ZNF423: variants seen among roughly 807,000 people sequenced by gnomAD.
ZNF423 encodes the protein zinc finger protein 423.
Under a neutral mutation model 95.8 loss-of-function variants are expected in ZNF423, and 12 were observed. The observed-to-expected ratio is 0.13, with a 90% CI of 0.08 to 0.20. The LOEUF (loss-of-function observed/expected upper bound fraction) is 0.20. Ranked by LOEUF, ZNF423 falls within the 10% of genes least tolerant of loss-of-function variation. ZNF423 has a pLI of 1.00. For synonymous variants in ZNF423, 749 were observed against 711.9 expected (o/e 1.05, Z -0.83); for missense variants, 1,316 against 1,737.1 (o/e 0.76, Z 4.31).
At chr16:49,772,410 T>C (rs2034051614) in intron 2 of ZNF423, among the ~76,000 whole-genome samples, 1 of 152,230 alleles carries the variant, frequency 6.6e-6, no homozygotes, top group African/African-American at 2.4e-5. Flanking sequence ...TCTGAAATCA[T>C]GTTTCACCAG....
At chr16:49,790,701 C>T (rs1409663511) in intron 1 of ZNF423, among the ~76,000 whole-genome samples, 2 of 152,236 alleles carry the variant, frequency 1.3e-5, no homozygotes, top group East Asian at 1.9e-4. Flanking sequence ...CAAGGCACAG[C>T]CCACCTTCAA....
Position 49,731,637 on chromosome 16 carries a change from A to C in ZNF423, c.101-666T>G, listed in dbSNP as rs556122730. On this transcript the variant is annotated intron_variant, in intron 2 of 7. Coordinates refer to ENST00000563137, the MANE Select transcript of ZNF423 (RefSeq NM_001379286.1). ...AGACCGGCCTGGGCAATATAGCAAGACTCTATCTCTACAAAAAAAAAAAAA... is the reference window on the plus strand; with the variant it reads ...AGACCGGCCTGGGCAATATAGCAAGCCTCTATCTCTACAAAAAAAAAAAAA... Among the ~76,000 whole-genome samples, 7 of 150,228 alleles carry C rather than the reference A, an allele frequency of 4.7e-5. No homozygotes were observed. The South Asian group carries it at 1.3e-3, about 27-fold the overall frequency.
intron 7 of ZNF423, among the ~76,000 whole-genome samples, chr16:49,497,919 C>T (rs145852409): frequency 6.6e-6 from 1 of 152,328 alleles, no homozygotes; most frequent in African/African-American, 2.4e-5. Context: ...GAGGCACAAT[C>T]CTGGCCTTTT....
At chr16:49,520,953 G>T (rs1319538608) in intron 7 of ZNF423, among the ~76,000 whole-genome samples, 1 of 152,230 alleles carries the variant, frequency 6.6e-6, no homozygotes, top group Non-Finnish European at 1.5e-5. Flanking sequence ...ACTCGTTAAG[G>T]CTGTAATTTA....
intron 3 of ZNF423, among the ~76,000 whole-genome samples, chr16:49,645,830 G>A (rs188740020): frequency 1.3e-5 from 2 of 152,302 alleles, no homozygotes; most frequent in East Asian, 3.9e-4. Context: ...TCTGATGGTT[G>A]TATTAAGGGG....
intron 2 of ZNF423, among the ~76,000 whole-genome samples, chr16:49,750,336 G>A (rs564210645): frequency 1.8e-4 from 28 of 152,168 alleles, no homozygotes; most frequent in Non-Finnish European, 2.9e-4. Flanking sequence ...ACCCTCCAGG[G>A]GCCAAGTCAG....
chr16:49,671,159 T>C (rs1379939379), intron 3 of ZNF423, among the ~76,000 whole-genome samples: 1 of 152,218 alleles, frequency 6.6e-6, no homozygotes, highest in Non-Finnish European at 1.5e-5. Context: ...CCTCATTAGC[T>C]GTGCCTGGTC....
intron 1 of ZNF423, among the ~76,000 whole-genome samples, chr16:49,827,380 C>A (rs917186050): frequency 3.3e-5 from 5 of 152,072 alleles, no homozygotes; most frequent in Non-Finnish European, 5.9e-5. Flanking sequence ...TTACCAACAA[C>A]AACAAGCAGA....
At chr16:49,753,233 G>C (rs1484098540) in intron 2 of ZNF423, among the ~76,000 whole-genome samples, 1 of 152,124 alleles carries the variant, frequency 6.6e-6, no homozygotes, top group Non-Finnish European at 1.5e-5. Context: ...AACAGAGCAA[G>C]ACTCTGTCTC....
chr16:49,789,335 T>C (rs1194766667), intron 2 of ZNF423, 152 bp downstream of exon 2: 1 of 630,716 alleles, frequency 1.6e-6, no homozygotes, highest in Non-Finnish European at 2.7e-6. Context: ...ATGGAACTGA[T>C]ATAAAAATCG....
At chr16:49,697,584 C>T (rs2032020571) in intron 3 of ZNF423, among the ~76,000 whole-genome samples, 1 of 152,060 alleles carries the variant, frequency 6.6e-6, no homozygotes, top group Non-Finnish European at 1.5e-5. Flanking sequence ...TTTCAAAAGA[C>T]TCTAGGGAAA....
At position 49,638,013 on chromosome 16, in the gene ZNF423, C is replaced by T. The variant is rs756448653; in HGVS notation, c.1163G>A (p.Arg388His). 20 of 1,614,104 alleles carry T rather than the reference C, an allele frequency of 1.2e-5. No homozygotes were observed. Among genetic ancestry groups the T allele is most frequent in the East Asian group, 2.2e-5 (1 of 44,878 alleles). The change falls in exon 4 of 8, where the codon CGT (arginine) becomes CAT (histidine). Residue 388 changes from arginine (R) to histidine (H), a missense_variant. Arg to His is a conservative substitution (Grantham distance 29). Transcript: ENST00000563137. The surrounding 1 kb of genome is among the most constrained non-coding windows in gnomAD (Gnocchi z 5.6). ...CAAGGTGGAGTCCGGGGTGGAGCCA[C>T]GCTCCACAGAGGCGCTGGAGTCGGG... ...ATPDSSASVE[R>H]GSTPDSTLKP...
chr16:49,722,891 T>G (rs1297553823), intron 3 of ZNF423, among the ~76,000 whole-genome samples: 1 of 152,192 alleles, frequency 6.6e-6, no homozygotes, highest in African/African-American at 2.4e-5. Context: ...ATTCTGGTAT[T>G]TTTAAAATGG....
chr16:49,701,722 A>G (rs1318421656), intron 3 of ZNF423, among the ~76,000 whole-genome samples: 2 of 152,224 alleles, frequency 1.3e-5, no homozygotes, highest in Non-Finnish European at 2.9e-5. Flanking sequence ...AGTGAGATTT[A>G]AAAATAGAAA....
intron 3 of ZNF423, among the ~76,000 whole-genome samples, chr16:49,642,171 C>A (rs1459046685): frequency 6.6e-6 from 1 of 152,196 alleles, no homozygotes; most frequent in Non-Finnish European, 1.5e-5. Flanking sequence ...AATTTCTATT[C>A]ATCCTCACAA....
chr16:49,583,718 C>T (rs540300230), intron 5 of ZNF423, among the ~76,000 whole-genome samples: 1 of 152,226 alleles, frequency 6.6e-6, no homozygotes, highest in Admixed American at 6.5e-5. Flanking sequence ...ATGGCAAGTG[C>T]CTAGCAAGTG....
At chr16:49,785,906 A>G (rs1390443004) in intron 2 of ZNF423, among the ~76,000 whole-genome samples, 1 of 152,080 alleles carries the variant, frequency 6.6e-6, no homozygotes, top group Non-Finnish European at 1.5e-5. Context: ...TGACCCACGA[A>G]CTCCCCTGAA....
chr16:49,793,867 G>A (rs902922218), intron 1 of ZNF423, among the ~76,000 whole-genome samples: 5 of 152,196 alleles, frequency 3.3e-5, no homozygotes, highest in Non-Finnish European at 7.3e-5. Context: ...CGATGCTAAT[G>A]AAGCCCCAGC....
chr16:49,491,148 G>A lies in ZNF423; in HGVS notation c.*127C>T, dbSNP rs1966940796. The A allele has an allele frequency of 8.9e-7, 1 of 1,126,538 alleles. No homozygotes were observed. Among genetic ancestry groups the A allele is most frequent in the Non-Finnish European group, 1.3e-6 (1 of 741,742 alleles). 69.8% of individuals were successfully genotyped at this position (1,126,538 alleles called of 1,614,324 possible). On this transcript the variant is annotated 3_prime_UTR_variant, in exon 8 of 8. Coordinates refer to ENST00000563137, the MANE Select transcript of ZNF423 (RefSeq NM_001379286.1). ...GCTGCTTATAATAGCAGCGCCTCAT[G>A]GCCAAATCATTAGAGTTTTACATCT... is the stretch of plus-strand genomic sequence containing the variant.
Sources: gnomAD v4.1 joint callset for allele counts (sites outside exome capture counted in the v4.1 genomes callset) on GRCh38, gnomAD v4.1.1 for gene constraint, Gnocchi (gnomAD v3.1) non-coding constraint, MANE v1.5 for transcripts, NCBI Gene and HGNC (gene_info 2026-07-23, HGNC 2026-07-21) for gene names.